TRIQK: variants seen among roughly 807,000 people sequenced by gnomAD.
TRIQK encodes the protein triple QxxK/R motif-containing protein.
A neutral mutation model predicts 10.8 loss-of-function variants in TRIQK; 10 were observed. The ratio of observed to expected loss-of-function variants is 0.92; its 90% CI spans 0.57 to 1.57. The LOEUF (loss-of-function observed/expected upper bound fraction) is 1.57, where lower values mean the gene tolerates loss of function less well. TRIQK is among the 40% of genes most tolerant of loss of function. TRIQK has a pLI of 0.00. For synonymous variants in TRIQK, 33 were observed against 33.7 expected (o/e 0.98, Z 0.07); for missense variants, 107 against 97.7 (o/e 1.09, Z -0.40).
chr8:92,962,906 AG>A, intron 1 of TRIQK, among the ~76,000 whole-genome samples: 1 of 152,320 alleles, frequency 6.6e-6, no homozygotes, highest in Non-Finnish European at 1.5e-5. Context: ...AAAAGGGGAT[AG>A]GAAGTACTAG....
chr8:92,886,455 A>G lies in TRIQK; in HGVS notation c.*167T>C, dbSNP rs1383688834. ...CACATACTATACTGCATTGCTAGGT[A>G]AGGTTCTTTTCCTGACATCCTATGC... On this transcript the variant is annotated 3_prime_UTR_variant, in exon 5 of 5. Coordinates refer to ENST00000521988, the MANE Select transcript of TRIQK (RefSeq NM_001171797.2). The G allele has an allele frequency of 1.9e-6, 1 of 518,952 alleles. No homozygotes were observed. Among genetic ancestry groups the G allele is most frequent in the African/African-American group, 2.0e-5 (1 of 50,990 alleles). The allele number at this position is 518,952 out of a possible 1,614,324, so 32.1% of individuals were successfully genotyped here. A position where few individuals can be genotyped will look rare whatever the true frequency, so the allele number is the denominator to read the frequency against.
At chr8:92,953,030 A>C (rs932302051) in intron 2 of TRIQK, among the ~76,000 whole-genome samples, 2 of 152,010 alleles carry the variant, frequency 1.3e-5, no homozygotes, top group Non-Finnish European at 2.9e-5. Flanking sequence ...GCATAACCTG[A>C]GCTCCTCTGA....
chr8:93,004,765 G>A (rs1813250991), intron 1 of TRIQK, among the ~76,000 whole-genome samples: 1 of 152,148 alleles, frequency 6.6e-6, no homozygotes, highest in African/African-American at 2.4e-5. Flanking sequence ...CAAGTTCAAA[G>A]TTCCACAGAT....
In TRIQK at chr8:92,898,833, GTATATATATATATATATATATATA is replaced by G. The variant is rs67063066; in HGVS notation, c.62-6783_62-6760del. ...GCAGGTACATAATAGGTGTGTGTGT[GTATATATATATATATATATATATA>G]TATATATATATATATAGATGGGGGT... On this transcript the variant is annotated intron_variant, in intron 3 of 4. Transcript: ENST00000521988. Among the ~76,000 whole-genome samples the G allele has an allele frequency of 1.1e-3, 80 of 73,920 alleles. 1 individual carries two copies. Among genetic ancestry groups the G allele is most frequent in the Middle Eastern group, 0.019 (2 of 106 alleles). 48.5% of individuals were successfully genotyped at this position (73,920 alleles called of 152,430 possible). A position where few individuals can be genotyped will look rare whatever the true frequency, so the allele number is the denominator to read the frequency against.
intron 1 of TRIQK, among the ~76,000 whole-genome samples, chr8:93,009,479 G>A (rs1240731378): frequency 6.6e-6 from 1 of 152,026 alleles, no homozygotes; most frequent in Non-Finnish European, 1.5e-5. Context: ...CATAATGGCA[G>A]ATGCCTGTAA....
intron 1 of TRIQK, among the ~76,000 whole-genome samples, chr8:93,011,968 T>C (rs974292377): frequency 6.6e-5 from 10 of 152,060 alleles, no homozygotes; most frequent in African/African-American, 2.2e-4. Context: ...AAGATACAGA[T>C]AGATGGTGGA....
intron 2 of TRIQK, among the ~76,000 whole-genome samples, chr8:92,920,141 G>T (rs1215063555): frequency 2.0e-5 from 3 of 151,292 alleles, no homozygotes; most frequent in Non-Finnish European, 4.4e-5. Context: ...TGCTCTATAA[G>T]TTTTATGATT....
At chr8:92,978,676 T>TACCCATAAGTGAG (rs1812956102) in intron 1 of TRIQK, among the ~76,000 whole-genome samples, 1 of 152,136 alleles carries the variant, frequency 6.6e-6, no homozygotes, top group South Asian at 2.1e-4. Flanking sequence ...CAGGGATTTG[T>TACCCATAAGTGAG]TTTTCCTTTC....
At position 92,886,415 on chromosome 8, in the gene TRIQK, A is replaced by G. The variant is rs920039447; in HGVS notation, c.*207T>C. 1 of 330,068 alleles carries G rather than the reference A, an allele frequency of 3.0e-6. No homozygotes were observed. Among genetic ancestry groups the G allele is most frequent in the Non-Finnish European group, 5.5e-6 (1 of 181,252 alleles). 20.4% of individuals were successfully genotyped at this position (330,068 alleles called of 1,614,324 possible). On this transcript the variant is annotated 3_prime_UTR_variant, in exon 5 of 5. Transcript: ENST00000521988. ...TGGCTGTCAAAGCAGAAAGATATAT[A>G]AAAGTATCCAGTAGCACATACTATA...
intron 2 of TRIQK, 49 bp from the exon 3 acceptor site, chr8:92,917,059 A>T (rs945278819): frequency 8.5e-7 from 1 of 1,170,330 alleles, no homozygotes; most frequent in South Asian, 1.8e-5. Context: ...AGGAGTGTCT[A>T]TAAAATCCAG....
At chr8:93,012,812 T>A (rs1394242376) in intron 1 of TRIQK, among the ~76,000 whole-genome samples, 1 of 152,170 alleles carries the variant, frequency 6.6e-6, no homozygotes, top group East Asian at 1.9e-4. Flanking sequence ...TTTCTCAAAA[T>A]GTAGTGCTGG....
intron 3 of TRIQK, among the ~76,000 whole-genome samples, chr8:92,916,233 T>G (rs1336100713): frequency 5.3e-5 from 8 of 152,192 alleles, no homozygotes; most frequent in Admixed American, 5.2e-4. Flanking sequence ...GTAGGTAATT[T>G]TTTAGAAATA....
chr8:92,949,701 GAGAA>G (rs1811747186), intron 2 of TRIQK, among the ~76,000 whole-genome samples: 2 of 53,656 alleles, frequency 3.7e-5, no homozygotes, highest in African/African-American at 2.0e-4. Flanking sequence ...AGAAAGAAAA[GAGAA>G]AGGAAGGGAG....
chr8:92,976,044 T>C (rs768905989), intron 1 of TRIQK, among the ~76,000 whole-genome samples: 5 of 151,968 alleles, frequency 3.3e-5, no homozygotes, highest in Admixed American at 6.6e-5. Flanking sequence ...ATGATTTTCA[T>C]TACTTAAGAT....
intron 3 of TRIQK, among the ~76,000 whole-genome samples, chr8:92,893,234 T>A (rs367605794): frequency 6.6e-6 from 1 of 152,044 alleles, no homozygotes; most frequent in African/African-American, 2.4e-5. Flanking sequence ...TTCAAAAGTA[T>A]CTTTAAAATT....
At chr8:92,951,721 T>A (rs1425127417) in intron 2 of TRIQK, among the ~76,000 whole-genome samples, 6 of 152,058 alleles carry the variant, frequency 3.9e-5, no homozygotes, top group African/African-American at 1.4e-4. Flanking sequence ...CTTAACAAGA[T>A]CTGTCCTCAG....
At chr8:92,900,216 A>G (rs997137529) in intron 3 of TRIQK, among the ~76,000 whole-genome samples, 2 of 151,906 alleles carry the variant, frequency 1.3e-5, no homozygotes, top group Non-Finnish European at 2.9e-5. Context: ...CACTTTACTG[A>G]TGGTTTCCTT....
intron 1 of TRIQK, among the ~76,000 whole-genome samples, chr8:92,961,446 C>T (rs943579554): frequency 3.3e-5 from 5 of 152,024 alleles, no homozygotes; most frequent in South Asian, 2.1e-4. Context: ...CTGTGAATGA[C>T]GGCAACGTAT....
chr8:93,002,755 A>G (rs1030769646), intron 1 of TRIQK, among the ~76,000 whole-genome samples: 1 of 152,072 alleles, frequency 6.6e-6, no homozygotes. Flanking sequence ...CCCCATCTCT[A>G]CTAAAAATAA....
Sources: allele counts gnomAD v4.1 joint callset (sites outside exome capture counted in the v4.1 genomes callset), GRCh38; gene constraint gnomAD v4.1.1; transcripts MANE v1.5; gene names NCBI Gene and HGNC (gene_info 2026-07-23, HGNC 2026-07-21).